Variants in DLG2 observed in about 807,000 individuals in gnomAD.
DLG2 encodes the protein disks large homolog 2.
In DLG2, 45 loss-of-function variants were observed where a neutral mutation model predicts 132.5. That is an observed-to-expected ratio of 0.34 (90% CI 0.27 to 0.44). The LOEUF (loss-of-function observed/expected upper bound fraction) is 0.44, where lower values mean the gene tolerates loss of function less well. Among genes scored for constraint, DLG2 ranks in the 20% least tolerant of loss-of-function variants. The pLI, the probability that DLG2 is intolerant of heterozygous loss-of-function variation, is 1.00. For missense variants in DLG2, 1,045 were observed against 1,196.9 expected, an observed-to-expected ratio of 0.87 and a Z score of 1.87; for synonymous variants, 424 against 419.6, an observed-to-expected ratio of 1.01 and a Z score of -0.13.
chr11:83,575,457 T>C (rs2096859865), intron 19 of DLG2, among the ~76,000 whole-genome samples: 1 of 152,184 alleles, frequency 6.6e-6, no homozygotes, highest in South Asian at 2.1e-4. Flanking sequence ...AGAAGAGAGC[T>C]GCACAGAAAG....
At chr11:83,620,741 G>C (rs963494730) in intron 19 of DLG2, among the ~76,000 whole-genome samples, 1 of 149,982 alleles carries the variant, frequency 6.7e-6, no homozygotes, top group African/African-American at 2.4e-5. Flanking sequence ...GTAGTGGCGG[G>C]CGCCTGTAGT....
At position 84,600,227 on chromosome 11, in the gene DLG2, A is replaced by C. The variant is rs1409004052; in HGVS notation, c.358-65496T>G. ...AAGAAAGAAAGAAAGAAAGAAAGAG[A>C]AAGAAAGACAGAAAAGCAAGCAAGC... On this transcript the variant is annotated intron_variant, in intron 6 of 27. Coordinates refer to ENST00000376104, the MANE Select transcript of DLG2 (RefSeq NM_001142699.3). Among the ~76,000 whole-genome samples the C allele has an allele frequency of 4.6e-4, 61 of 132,324 alleles. 1 individual carries two copies. Among genetic ancestry groups the C allele is most frequent in the African/African-American group, 1.2e-3 (33 of 28,278 alleles). The allele number at this position is 132,324 out of a possible 152,430, so 86.8% of individuals were successfully genotyped here.
chr11:83,686,370 TC>T (rs1566530085), intron 18 of DLG2, among the ~76,000 whole-genome samples: 1 of 151,970 alleles, frequency 6.6e-6, no homozygotes, highest in African/African-American at 2.4e-5. Flanking sequence ...ATAGTACTTA[TC>T]TCTGCTTAAA....
intron 6 of DLG2, among the ~76,000 whole-genome samples, chr11:84,753,542 A>C (rs2066458947): frequency 6.6e-6 from 1 of 152,154 alleles, no homozygotes; most frequent in Non-Finnish European, 1.5e-5. Context: ...GAAGATCCTA[A>C]AGCTGAGGGA....
intron 6 of DLG2, among the ~76,000 whole-genome samples, chr11:84,773,848 G>C (rs2069873111): frequency 2.0e-5 from 3 of 152,092 alleles, no homozygotes; most frequent in African/African-American, 7.2e-5. Flanking sequence ...GTGGGCATAA[G>C]CTAGAAGCAT....
chr11:83,828,797 T>C (rs1410451717), intron 17 of DLG2, among the ~76,000 whole-genome samples: 2 of 152,238 alleles, frequency 1.3e-5, no homozygotes, highest in Non-Finnish European at 2.9e-5. Flanking sequence ...ACTTATTGAA[T>C]ATGTATACTA....
chr11:84,273,989 A>T (rs1013623990), intron 7 of DLG2, among the ~76,000 whole-genome samples: 7 of 152,212 alleles, frequency 4.6e-5, no homozygotes, highest in Admixed American at 1.3e-4. Context: ...TTTATTCCTT[A>T]TTCTAGATAA....
At chr11:83,880,472 T>G (rs138015891) in intron 15 of DLG2, among the ~76,000 whole-genome samples, 1 of 152,202 alleles carries the variant, frequency 6.6e-6, no homozygotes, top group African/African-American at 2.4e-5. Context: ...GTGATCTGGC[T>G]GGGTAGGCAT....
At chr11:85,227,058 G>C (rs1006684754) in intron 4 of DLG2, among the ~76,000 whole-genome samples, 2 of 152,084 alleles carry the variant, frequency 1.3e-5, no homozygotes, top group Non-Finnish European at 1.5e-5. Context: ...AGGAATGACT[G>C]CAAGTGAAAA....
intron 7 of DLG2, among the ~76,000 whole-genome samples, chr11:84,399,198 T>C (rs1013062058): frequency 3.9e-5 from 6 of 152,180 alleles, no homozygotes; most frequent in Non-Finnish European, 8.8e-5. Context: ...TTTCCCTCTG[T>C]ATCCTCTTCA....
At chr11:83,727,602 C>T (rs1593197139) in intron 18 of DLG2, among the ~76,000 whole-genome samples, 1 of 152,260 alleles carries the variant, frequency 6.6e-6, no homozygotes, top group South Asian at 2.1e-4. Context: ...GTGACTTTTC[C>T]AAAGCTCCCT....
At chr11:85,170,979 G>A (rs1211116544) in intron 4 of DLG2, among the ~76,000 whole-genome samples, 2 of 151,612 alleles carry the variant, frequency 1.3e-5, no homozygotes, top group African/African-American at 4.8e-5. Context: ...TTCCTTACAG[G>A]AAAATGTCAA....
chr11:85,012,611 G>C (rs946455968), intron 6 of DLG2, among the ~76,000 whole-genome samples: 12 of 151,764 alleles, frequency 7.9e-5, no homozygotes, highest in African/African-American at 2.9e-4. Flanking sequence ...CCATTACAGT[G>C]GTAATACAAA....
intron 6 of DLG2, among the ~76,000 whole-genome samples, chr11:84,832,973 T>C (rs1315679586): frequency 1.3e-5 from 2 of 151,590 alleles, no homozygotes; most frequent in African/African-American, 4.8e-5. Context: ...GAACGAGAGT[T>C]GTATGTGAGT....
chr11:84,130,518 ACACACATATATGTG>A (rs2094373298), intron 9 of DLG2, among the ~76,000 whole-genome samples: 1 of 119,048 alleles, frequency 8.4e-6, no homozygotes, highest in Non-Finnish European at 1.8e-5. Flanking sequence ...ACACACACAC[ACACACATATATGTG>A]TGTGTGTATA....
In DLG2 at chr11:84,278,046, A is replaced by AGTT. The variant is rs1190918321; in HGVS notation, c.520-26758_520-26756dup. 3.0e-4 allele frequency among the ~76,000 whole-genome samples: 35 copies of AGTT among 116,330 alleles called. 1 individual carries two copies. The highest frequency in any genetic ancestry group is 9.7e-4 in the African/African-American group (31 of 31,846). The allele number at this position is 116,330 out of a possible 152,430, so 76.3% of individuals were successfully genotyped here. A position where few individuals can be genotyped will look rare whatever the true frequency, so the allele number is the denominator to read the frequency against. ...GTAGCTGGGACCACACGCCTGGCTAAGTTTTTTTTTTTTTTTTTTTTTTTT... is the reference window on the plus strand; with the variant it reads ...GTAGCTGGGACCACACGCCTGGCTAAGTTGTTTTTTTTTTTTTTTTTTTTTTTT... On this transcript the variant is annotated intron_variant, in intron 7 of 27. Coordinates refer to ENST00000376104, the MANE Select transcript of DLG2 (RefSeq NM_001142699.3).
At chr11:84,373,484 C>T (rs541921039) in intron 7 of DLG2, among the ~76,000 whole-genome samples, 5 of 151,832 alleles carry the variant, frequency 3.3e-5, no homozygotes, top group East Asian at 1.9e-4. Flanking sequence ...GCAGGAGAAT[C>T]GCTTGAACCT....
intron 14 of DLG2, among the ~76,000 whole-genome samples, chr11:83,946,418 C>T (rs552081616): frequency 6.6e-6 from 1 of 152,300 alleles, no homozygotes; most frequent in African/African-American, 2.4e-5. Flanking sequence ...GTCCCACTTC[C>T]ACCCTGGACA....
At chr11:84,362,669 C>T (rs1220176386) in intron 7 of DLG2, among the ~76,000 whole-genome samples, 2 of 152,068 alleles carry the variant, frequency 1.3e-5, no homozygotes, top group African/African-American at 2.4e-5. Flanking sequence ...CTCCCCCCAC[C>T]TCACAACAGT....
Sources: allele counts gnomAD v4.1 joint callset (sites outside exome capture counted in the v4.1 genomes callset), GRCh38; gene constraint gnomAD v4.1.1; transcripts MANE v1.5; gene names NCBI Gene and HGNC (gene_info 2026-07-23, HGNC 2026-07-21).